RYR2: variants seen among roughly 807,000 people sequenced by gnomAD.
RYR2 encodes cardiac muscle ryanodine receptor-calcium release channel.
Under a neutral mutation model 601.1 loss-of-function variants are expected in RYR2, and 227 were observed. The ratio of observed to expected loss-of-function variants is 0.38; its 90% confidence interval spans 0.34 to 0.42. The LOEUF (loss-of-function observed/expected upper bound fraction) is 0.42, where lower values mean the gene tolerates loss of function less well. Ranked by LOEUF, RYR2 falls within the 10% of genes least tolerant of loss-of-function variation. The pLI is 1.00. For missense variants in RYR2, 4,646 were observed against 6,156.5 expected (o/e 0.75, Z 8.21); for synonymous variants, 2,223 against 2,175.1 (o/e 1.02, Z -0.61).
intron 10 of RYR2, among the ~76,000 whole-genome samples, chr1:237,416,751 C>T (rs368957928): frequency 2.5e-5 from 2 of 81,588 alleles, no homozygotes; most frequent in African/African-American, 1.4e-4. Context: ...TGGGAAGAAA[C>T]ACACACACAC....
At chr1:237,777,303 A>C (rs558150526) in intron 87 of RYR2, among the ~76,000 whole-genome samples, 5 of 152,264 alleles carry the variant, frequency 3.3e-5, no homozygotes, top group African/African-American at 1.2e-4. Context: ...AGTCGTTCTC[A>C]TAGTCATCTG....
At chr1:237,313,734 G>T (rs1240043161) in intron 2 of RYR2, among the ~76,000 whole-genome samples, 1 of 152,140 alleles carries the variant, frequency 6.6e-6, no homozygotes, top group East Asian at 1.9e-4. Flanking sequence ...TGTAGGAAAA[G>T]AAATTTGAAG....
intron 11 of RYR2, among the ~76,000 whole-genome samples, chr1:237,418,515 A>G (rs1400069692): frequency 6.6e-6 from 1 of 152,324 alleles, no homozygotes. Flanking sequence ...TTTCATTATC[A>G]GTTTAGATGC....
At chr1:237,181,117 G>A (rs1168277054) in intron 1 of RYR2, among the ~76,000 whole-genome samples, 2 of 151,898 alleles carry the variant, frequency 1.3e-5, no homozygotes, top group African/African-American at 4.8e-5. Flanking sequence ...CCAAGTAGCT[G>A]GGATTACAGG....
chr1:237,752,043 A>T (rs908698393), intron 80 of RYR2, among the ~76,000 whole-genome samples: 1 of 152,184 alleles, frequency 6.6e-6, no homozygotes, highest in African/African-American at 2.4e-5. Flanking sequence ...ATATCACATC[A>T]TTTAGTTCTG....
At chr1:237,732,860 C>T (rs1690810370) in intron 78 of RYR2, among the ~76,000 whole-genome samples, 1 of 152,174 alleles carries the variant, frequency 6.6e-6, no homozygotes, top group Admixed American at 6.6e-5. Context: ...GTTTTGCCCC[C>T]AGGCCTTTCC....
At chr1:237,108,722 C>A (rs2148571237) in intron 1 of RYR2, among the ~76,000 whole-genome samples, 1 of 152,298 alleles carries the variant, frequency 6.6e-6, no homozygotes, top group South Asian at 2.1e-4. Context: ...GAAAAAGCAT[C>A]TCTTTTACAC....
At chr1:237,718,965 G>A (rs1275578776) in intron 73 of RYR2, among the ~76,000 whole-genome samples, 1 of 152,120 alleles carries the variant, frequency 6.6e-6, no homozygotes, top group Admixed American at 6.6e-5. Flanking sequence ...TAGAGAAGGT[G>A]TCTATAAGAA....
intron 17 of RYR2, among the ~76,000 whole-genome samples, chr1:237,488,348 T>C (rs1662926957): frequency 6.6e-6 from 1 of 152,204 alleles, no homozygotes; most frequent in African/African-American, 2.4e-5. Flanking sequence ...TCAAGGCTCC[T>C]GCAGATATGG....
chr1:237,615,959 A>C (rs1163949741), intron 37 of RYR2, among the ~76,000 whole-genome samples: 1 of 152,166 alleles, frequency 6.6e-6, no homozygotes, highest in Non-Finnish European at 1.5e-5. Flanking sequence ...GGAGCTTTCC[A>C]TGCAAAACAA....
chr1:237,780,069 G>C (rs1694971953), intron 88 of RYR2, among the ~76,000 whole-genome samples: 1 of 152,150 alleles, frequency 6.6e-6, no homozygotes, highest in Admixed American at 6.5e-5. Context: ...TCCCAGGCAG[G>C]TACTTTAGTG....
At chr1:237,157,295 C>CAAAAAAAAAAAAAAAAAAA (rs33922740) in intron 1 of RYR2, among the ~76,000 whole-genome samples, 8 of 63,508 alleles carry the variant, frequency 1.3e-4, no homozygotes, top group East Asian at 6.6e-4. Flanking sequence ...GACTCCATCT[C>CAAAAAAAAAAAAAAAAAAA]AAAAAAAAAA....
chr1:237,643,392 G>A lies in RYR2; in HGVS notation c.7287G>A (p.Leu2429=), dbSNP rs876657578. The A allele has an allele frequency of 1.9e-6, 3 of 1,613,788 alleles. No individual in the cohort carries two copies. The highest frequency in any genetic ancestry group is 2.2e-5 in the East Asian group (1 of 44,854). ...IRSILRSLIP[L]GDLVGVISIA... Reference sequence around the variant, plus strand: ...CCATTTTGAGATCCCTCATTCCCCTGGGAGATTTGGTGGGCGTTATCAGCA... The same window carrying A: ...CCATTTTGAGATCCCTCATTCCCCTAGGAGATTTGGTGGGCGTTATCAGCA... Residue 2429 remains leucine, a synonymous_variant, in exon 48 of 105, where the codon CTG becomes CTA. Coordinates refer to ENST00000366574, the MANE Select transcript of RYR2 (RefSeq NM_001035.3).
intron 1 of RYR2, among the ~76,000 whole-genome samples, chr1:237,058,990 T>G (rs1662521891): frequency 6.6e-6 from 1 of 152,170 alleles, no homozygotes. Flanking sequence ...TTCACATGTC[T>G]AGCAGAACGA....
At chr1:237,787,846 A>T (rs952379758) in intron 91 of RYR2, 142 bp from the exon 92 acceptor site, 7 of 765,192 alleles carry the variant, frequency 9.1e-6, no homozygotes, top group Non-Finnish European at 1.3e-5. Flanking sequence ...AATTCAGAAT[A>T]TTATCATTCA....
chr1:237,525,992 A>G (rs1237621780), intron 24 of RYR2, among the ~76,000 whole-genome samples: 3 of 151,730 alleles, frequency 2.0e-5, no homozygotes, highest in Non-Finnish European at 2.9e-5. Context: ...AAAAAAAATA[A>G]TAATAATAAA....
At chr1:237,770,269 CAA>C (rs1188826618) in intron 84 of RYR2, among the ~76,000 whole-genome samples, 2 of 152,128 alleles carry the variant, frequency 1.3e-5, no homozygotes, top group Non-Finnish European at 2.9e-5. Flanking sequence ...AACCTGATAA[CAA>C]AGTTAATTAA....
intron 23 of RYR2, among the ~76,000 whole-genome samples, chr1:237,511,287 T>G (rs1572660190): frequency 4.6e-5 from 6 of 129,284 alleles, no homozygotes; most frequent in Admixed American, 1.7e-4. Context: ...TGTTAGAAGG[T>G]GTATGGACCA....
intron 1 of RYR2, among the ~76,000 whole-genome samples, chr1:237,068,391 A>G (rs6681409): frequency 0.98 from 149,830 of 152,264 alleles, 73,752 homozygotes; most frequent in Middle Eastern, 1. Flanking sequence ...TGTTCTTGGC[A>G]TGGCTCAAGA....
Sources: gnomAD v4.1 joint callset for allele counts (sites outside exome capture counted in the v4.1 genomes callset) on GRCh38, gnomAD v4.1.1 for gene constraint, MANE v1.5 for transcripts, NCBI Gene and HGNC (gene_info 2026-07-23, HGNC 2026-07-21) for gene names.